SAMD3: variants seen among roughly 807,000 people sequenced by gnomAD.
SAMD3 encodes sterile alpha motif domain containing 3, also known as sterile alpha motif domain-containing protein 3.
In SAMD3, 63 loss-of-function variants were observed where a neutral mutation model predicts 58.5. The observed-to-expected ratio is 1.08, with a 90% CI of 0.88 to 1.33. The LOEUF (loss-of-function observed/expected upper bound fraction) is 1.33, where lower values mean the gene tolerates loss of function less well. SAMD3 is among the 40% of genes most tolerant of loss of function. The pLI, the probability that SAMD3 is intolerant of heterozygous loss-of-function variation, is 0.00. For missense variants in SAMD3, 604 were observed against 608.4 expected (o/e 0.99, Z 0.08); for synonymous variants, 220 against 210.3 (o/e 1.05, Z -0.40).
At chr6:130,328,801 A>G (rs1397738280) in intron 1 of SAMD3, among the ~76,000 whole-genome samples, 3 of 152,234 alleles carry the variant, frequency 2.0e-5, no homozygotes, top group African/African-American at 7.2e-5. Context: ...TCTCAACTTC[A>G]AGAAATCTTC....
intron 9 of SAMD3, among the ~76,000 whole-genome samples, chr6:130,153,666 T>TATATATATATATATATATATATAGA (rs58896049): frequency 1.1e-5 from 1 of 91,158 alleles, no homozygotes; most frequent in Non-Finnish European, 2.3e-5. Flanking sequence ...ATATATATAT[T>TATATATATATATATATATATATAGA]TATTTATTTA....
At position 130,228,511 on chromosome 6, in the gene SAMD3, A is replaced by C. The variant is rs1796449518; in HGVS notation, c.-187-5698T>G. ...CTCCAGGGGAGCTTAAAAAAAGCTG[A>C]TATCCAGCTTCCATATCTGTCCAAT... On this transcript the variant is annotated intron_variant, in intron 2 of 13. Transcript: ENST00000368134. Among the ~76,000 whole-genome samples, 2 of 152,106 alleles carry C rather than the reference A, an allele frequency of 1.3e-5. 1 individual carries two copies. Among genetic ancestry groups the C allele is most frequent in the Non-Finnish European group, 2.9e-5 (2 of 68,026 alleles).
At chr6:130,178,777 G>T (rs1287582426) in intron 7 of SAMD3, among the ~76,000 whole-genome samples, 1 of 152,186 alleles carries the variant, frequency 6.6e-6, no homozygotes, top group Non-Finnish European at 1.5e-5. Flanking sequence ...ACTCATAGAA[G>T]ATATTTGTAA....
At chr6:130,248,293 A>G (rs975656158) in intron 2 of SAMD3, among the ~76,000 whole-genome samples, 4 of 151,832 alleles carry the variant, frequency 2.6e-5, no homozygotes, top group African/African-American at 9.7e-5. Flanking sequence ...ACATTGTTCA[A>G]ACACACAAAT....
intron 2 of SAMD3, among the ~76,000 whole-genome samples, chr6:130,261,642 A>AT (rs1562486363): frequency 8.5e-5 from 13 of 152,162 alleles, no homozygotes; most frequent in Non-Finnish European, 1.5e-4. Context: ...GTCAGGCACA[A>AT]ATAAGCTCAC....
chr6:130,272,653 G>A (rs543752878), intron 2 of SAMD3, among the ~76,000 whole-genome samples: 2 of 152,244 alleles, frequency 1.3e-5, no homozygotes, highest in African/African-American at 2.4e-5. Context: ...CATGCAAGGT[G>A]GGATTAGTTT....
chr6:130,365,767 C>G (rs978787668), upstream of SAMD3: 287 of 985,336 alleles, frequency 2.9e-4, no homozygotes, highest in Non-Finnish European at 3.4e-4. Context: ...GTGATTTGGG[C>G]TCTCGAAGTG....
intron 7 of SAMD3, 123 bp from the exon 8 acceptor site, chr6:130,176,131 G>A: frequency 1.3e-6 from 1 of 777,304 alleles, no homozygotes; most frequent in Non-Finnish European, 2.2e-6. Context: ...TTCACATCAT[G>A]GTAATAGAAA....
intron 9 of SAMD3, among the ~76,000 whole-genome samples, chr6:130,150,099 A>ATGTGTG (rs369929786): frequency 3.7e-5 from 5 of 136,828 alleles, no homozygotes; most frequent in African/African-American, 1.2e-4. Context: ...AATTTGGTTC[A>ATGTGTG]TGTGTGTGTG....
intron 9 of SAMD3, among the ~76,000 whole-genome samples, chr6:130,150,706 C>T (rs1026173695): frequency 6.7e-6 from 1 of 149,666 alleles, no homozygotes; most frequent in Non-Finnish European, 1.5e-5. Context: ...CACACTGGGC[C>T]AGAATTCTTT....
At chr6:130,243,745 C>T (rs982699615) in intron 2 of SAMD3, among the ~76,000 whole-genome samples, 3 of 152,082 alleles carry the variant, frequency 2.0e-5, no homozygotes, top group Admixed American at 6.6e-5. Context: ...TGAACTTGGG[C>T]GTTTTCCCAA....
chr6:130,309,498 G>A (rs567265246), intron 2 of SAMD3, among the ~76,000 whole-genome samples: 1 of 152,154 alleles, frequency 6.6e-6, no homozygotes, highest in South Asian at 2.1e-4. Context: ...AGTCCACAAA[G>A]TCAATGCTAG....
At chr6:130,184,713 AC>A in intron 5 of SAMD3, 90 bp from the exon 6 acceptor site, 1 of 1,131,298 alleles carries the variant, frequency 8.8e-7, no homozygotes, top group African/African-American at 1.6e-5. Context: ...TATGAAATAA[AC>A]AACTTTCCTG....
At chr6:130,334,608 G>A (rs564172652) in intron 1 of SAMD3, among the ~76,000 whole-genome samples, 2 of 152,308 alleles carry the variant, frequency 1.3e-5, no homozygotes, top group Non-Finnish European at 2.9e-5. Context: ...TCACCTTCTT[G>A]ATATATAAAA....
intron 1 of SAMD3, among the ~76,000 whole-genome samples, chr6:130,333,208 G>T (rs1465813118): frequency 1.3e-5 from 2 of 151,958 alleles, no homozygotes; most frequent in Non-Finnish European, 2.9e-5. Flanking sequence ...TTTGCTAAAG[G>T]TTTTCAGCAT....
At chr6:130,284,546 G>A (rs1187469704) in intron 2 of SAMD3, among the ~76,000 whole-genome samples, 1 of 152,096 alleles carries the variant, frequency 6.6e-6, no homozygotes, top group Non-Finnish European at 1.5e-5. Flanking sequence ...TCAAAAGAAT[G>A]TCATATGAGC....
At chr6:130,305,833 T>C (rs1775895169) in intron 2 of SAMD3, among the ~76,000 whole-genome samples, 1 of 152,252 alleles carries the variant, frequency 6.6e-6, no homozygotes, top group East Asian at 1.9e-4. Flanking sequence ...GGACTTGTCC[T>C]AGTCTGTTTG....
intron 8 of SAMD3, chr6:130,162,288 T>C (rs1790346645): frequency 1.4e-6 from 1 of 701,384 alleles, no homozygotes; most frequent in Admixed American, 2.0e-5. Context: ...GGAGCAGAAA[T>C]AAGGAGGAGA....
intron 2 of SAMD3, among the ~76,000 whole-genome samples, chr6:130,257,995 G>A (rs187399599): frequency 6.6e-6 from 1 of 152,080 alleles, no homozygotes; most frequent in Admixed American, 6.5e-5. Flanking sequence ...GTTTGTTCAT[G>A]TTCATACAAT....
Sources: gnomAD v4.1 joint callset for allele counts (sites outside exome capture counted in the v4.1 genomes callset) on GRCh38, gnomAD v4.1.1 for gene constraint, MANE v1.5 for transcripts, NCBI Gene and HGNC (gene_info 2026-07-23, HGNC 2026-07-21) for gene names.